ZMYND11: variants seen among roughly 807,000 people sequenced by gnomAD.
ZMYND11 encodes zinc finger MYND domain-containing protein 11.
In ZMYND11, 9 loss-of-function variants were observed where a neutral mutation model predicts 84.9. The observed-to-expected ratio is 0.11, with a 90% CI of 0.06 to 0.18. The LOEUF (loss-of-function observed/expected upper bound fraction) is 0.18. ZMYND11 is among the 10% of genes least tolerant of loss of function. The pLI is 1.00. For synonymous variants in ZMYND11, 250 were observed against 244.1 expected (o/e 1.02, Z -0.23); for missense variants, 409 against 761.0 (o/e 0.54, Z 5.44).
Position 139,492 on chromosome 10 carries a change from G to A in ZMYND11, c.-20+3933G>A, listed in dbSNP as rs1022098368. Among the ~76,000 whole-genome samples the A allele has an allele frequency of 7.2e-5, 11 of 152,234 alleles. No homozygotes were observed. The East Asian group carries it at 1.7e-3, about 24-fold the overall frequency. On this transcript the variant is annotated intron_variant, in intron 1 of 14. Transcript: ENST00000381604. ...TAAATCTGCTTTGATACAGTGATTT[G>A]TGCAGATGTTAGTGACCTGGAGGTT...
chr10:157,490 G>A (rs1158990361), intron 1 of ZMYND11, among the ~76,000 whole-genome samples: 1 of 152,174 alleles, frequency 6.6e-6, no homozygotes. Flanking sequence ...ATGAGCCGTT[G>A]CGCCTGGCAT....
At chr10:185,849 C>T (rs1226632856) in intron 2 of ZMYND11, among the ~76,000 whole-genome samples, 23 of 148,820 alleles carry the variant, frequency 1.5e-4, no homozygotes, top group Non-Finnish European at 3.1e-4. Context: ...AAAAAAAAGA[C>T]GGTTGCTAAA....
rs546801007 is a variant in ZMYND11, at chr10:221,814, G to GT, written c.438+467dup. 3.7e-3 allele frequency among the ~76,000 whole-genome samples: 561 copies of GT among 149,866 alleles called. 3 individuals carry two copies. Among genetic ancestry groups the GT allele is most frequent in the African/African-American group, 7.7e-3 (316 of 40,790 alleles). ...TTTATTTTTGTCATATCATGAGTTTGTTTTTTTTTGCTTATATTTTATTTG... is the reference window on the plus strand; with the variant it reads ...TTTATTTTTGTCATATCATGAGTTTGTTTTTTTTTTGCTTATATTTTATTTG... On this transcript the variant is annotated intron_variant, in intron 4 of 14. Transcript: ENST00000381604.
chr10:223,414 G>A (rs1447570334), intron 4 of ZMYND11, among the ~76,000 whole-genome samples: 1 of 152,094 alleles, frequency 6.6e-6, no homozygotes, highest in African/African-American at 2.4e-5. Context: ...ACAGAAACAT[G>A]ATTACCCTAT....
At chr10:131,488 T>C (rs530685483), upstream of ZMYND11, among the ~76,000 whole-genome samples, 7 of 152,256 alleles carry the variant, frequency 4.6e-5, no homozygotes, top group South Asian at 1.0e-3. Flanking sequence ...CACTTAAGTA[T>C]TGGAAGAATC....
chr10:180,174 A>G (rs1035421570), intron 2 of ZMYND11, 46 bp downstream of exon 2: 2 of 1,528,404 alleles, frequency 1.3e-6, no homozygotes, highest in Non-Finnish European at 9.0e-7. Context: ...GTCGTAGAAG[A>G]CTTTGGGGGA....
At chr10:247,271 A>G (rs528528204) in intron 11 of ZMYND11, 127 bp from the exon 12 acceptor site, 2 of 1,090,780 alleles carry the variant, frequency 1.8e-6, no homozygotes, top group East Asian at 2.6e-5. Context: ...GTGGTAACTG[A>G]GTGGATGGAA....
rs748219867 is a variant in ZMYND11, at chr10:237,686, G to A, written c.609+9G>A. The A allele has an allele frequency of 1.6e-5, 26 of 1,596,284 alleles. No individual in the cohort carries two copies. The highest frequency in any genetic ancestry group is 2.2e-5 in the East Asian group (1 of 44,680). ...TTCCCACCATTCAAGAGGTAAAGTCGGTTTCTTTTATTTCCACTTCAAGTA... is the reference window on the plus strand; with the variant it reads ...TTCCCACCATTCAAGAGGTAAAGTCAGTTTCTTTTATTTCCACTTCAAGTA... On this transcript the variant is annotated intron_variant, in intron 6 of 14. Transcript: ENST00000381604.
chr10:165,487 A>G (rs569360830), intron 1 of ZMYND11, among the ~76,000 whole-genome samples: 55 of 152,250 alleles, frequency 3.6e-4, no homozygotes, highest in African/African-American at 1.3e-3. Flanking sequence ...CATCTCCCTT[A>G]GATGTCTAAA....
chr10:153,965 C>G (rs1302522512), intron 1 of ZMYND11, among the ~76,000 whole-genome samples: 1 of 152,236 alleles, frequency 6.6e-6, no homozygotes, highest in East Asian at 1.9e-4. Flanking sequence ...ACAGCCAGCA[C>G]TAGCCAAGAA....
intron 2 of ZMYND11, among the ~76,000 whole-genome samples, chr10:190,762 T>C (rs1940174644): frequency 6.6e-6 from 1 of 152,178 alleles, no homozygotes; most frequent in South Asian, 2.1e-4. Context: ...GATTCTTCAT[T>C]TTGTATTTTT....
intron 3 of ZMYND11, among the ~76,000 whole-genome samples, chr10:215,286 A>G (rs1564396141): frequency 6.6e-6 from 1 of 152,174 alleles, no homozygotes; most frequent in African/African-American, 2.4e-5. Flanking sequence ...AGTTAATGCC[A>G]GGACAAAAAT....
intron 3 of ZMYND11, among the ~76,000 whole-genome samples, chr10:217,856 C>G (rs1236861727): frequency 6.6e-6 from 1 of 152,124 alleles, no homozygotes; most frequent in African/African-American, 2.4e-5. Context: ...AATGCCAGGG[C>G]CAGGATTTGA....
Position 237,015 on chromosome 10 carries a change from A to G in ZMYND11, c.516+100A>G, listed in dbSNP as rs1950105894. 4 of 1,151,456 alleles carry G rather than the reference A, an allele frequency of 3.5e-6. No homozygotes were observed. The East Asian group carries it at 7.7e-5, about 22-fold the overall frequency. 71.3% of individuals were successfully genotyped at this position (1,151,456 alleles called of 1,614,324 possible). ...TGATCGAGAAGTAACAAATATGTACATAGCAATATGAAGTGTGGAGAGCAC... is the reference window on the plus strand; with the variant it reads ...TGATCGAGAAGTAACAAATATGTACGTAGCAATATGAAGTGTGGAGAGCAC... On this transcript the variant is annotated intron_variant, in intron 5 of 14. Transcript: ENST00000381604.
chr10:161,787 C>G (rs1842989858), intron 1 of ZMYND11, among the ~76,000 whole-genome samples: 1 of 152,112 alleles, frequency 6.6e-6, no homozygotes, highest in South Asian at 2.1e-4. Context: ...GGTCCTTGTT[C>G]TGGATTAGGT....
chr10:223,193 C>A (rs1947443962), intron 4 of ZMYND11, among the ~76,000 whole-genome samples: 1 of 151,984 alleles, frequency 6.6e-6, no homozygotes. Flanking sequence ...CCACACCTGG[C>A]TAATTTTTGT....
chr10:247,178 A>T (rs1481221099), intron 11 of ZMYND11, among the ~76,000 whole-genome samples: 2 of 152,210 alleles, frequency 1.3e-5, no homozygotes, highest in African/African-American at 4.8e-5. Flanking sequence ...TGCCAGTACC[A>T]AGAGAGTTAA....
At chr10:169,987 G>A (rs934754454) in intron 1 of ZMYND11, among the ~76,000 whole-genome samples, 1 of 152,004 alleles carries the variant, frequency 6.6e-6, no homozygotes, top group Non-Finnish European at 1.5e-5. Flanking sequence ...TTATACCTAA[G>A]CATACCATAT....
Position 150,224 on chromosome 10 carries a change from T to C in ZMYND11, c.-20+14665T>C, listed in dbSNP as rs528966929. ...CCTTGTACTTCTGGTAGAATTTGGCTGTGAATCCGTCTGGTCCTGGACTTT... is the reference window on the plus strand; with the variant it reads ...CCTTGTACTTCTGGTAGAATTTGGCCGTGAATCCGTCTGGTCCTGGACTTT... On this transcript the variant is annotated intron_variant, in intron 1 of 14. Coordinates refer to ENST00000381604, the MANE Select transcript of ZMYND11 (RefSeq NM_001370100.5). 1.1e-3 allele frequency among the ~76,000 whole-genome samples: 173 copies of C among 152,352 alleles called. 1 individual carries two copies. The highest frequency in any genetic ancestry group is 2.2e-3 in the Non-Finnish European group (149 of 68,032).
Sources: gnomAD v4.1 joint callset for allele counts (sites outside exome capture counted in the v4.1 genomes callset) on GRCh38, gnomAD v4.1.1 for gene constraint, MANE v1.5 for transcripts, NCBI Gene and HGNC (gene_info 2026-07-23, HGNC 2026-07-21) for gene names.